PIEZO2: variants seen among roughly 807,000 people sequenced by gnomAD.
PIEZO2 encodes piezo type mechanosensitive ion channel component 2.
PIEZO2 carries 172 observed loss-of-function variants against 337.3 expected under a neutral mutation model. The observed-to-expected ratio is 0.51, with a 90% confidence interval of 0.45 to 0.58. The LOEUF (loss-of-function observed/expected upper bound fraction) is 0.58, where lower values mean the gene tolerates loss of function less well. Ranked by LOEUF, PIEZO2 falls within the 20% of genes least tolerant of loss-of-function variation. The pLI is 0.00. For missense variants in PIEZO2, 3,028 were observed against 3,391.3 expected, an observed-to-expected ratio of 0.89 and a Z score of 2.66; for synonymous variants, 1,251 against 1,228.5, an observed-to-expected ratio of 1.02 and a Z score of -0.38.
intron 2 of PIEZO2, among the ~76,000 whole-genome samples, chr18:11,040,328 G>C (rs1025289297): frequency 4.7e-4 from 71 of 152,230 alleles, no homozygotes; most frequent in African/African-American, 1.6e-3. Flanking sequence ...TGAGTTTAGA[G>C]ACATTATTTT....
intron 2 of PIEZO2, among the ~76,000 whole-genome samples, chr18:11,014,660 A>G (rs2036035290): frequency 7.0e-6 from 1 of 143,190 alleles, no homozygotes; most frequent in African/African-American, 2.7e-5. Context: ...TGACCCCCTC[A>G]TTCCTCAGTG....
chr18:10,787,536 CATT>C (rs1223518916), intron 15 of PIEZO2, among the ~76,000 whole-genome samples: 1 of 152,186 alleles, frequency 6.6e-6, no homozygotes, highest in Non-Finnish European at 1.5e-5. Context: ...GTGCTGCTGT[CATT>C]GTGGTTATCA....
At position 11,073,928 on chromosome 18, in the gene PIEZO2, C is replaced by A. The variant is rs1283442579; in HGVS notation, c.65-7706G>T. ...GTGGCGCAATCTCGGCTCGCTGCAA[C>A]CTCCACCTCTTGGGTTCAAGTGATT... On this transcript the variant is annotated intron_variant, in intron 1 of 55. Transcript: ENST00000674853. Among the ~76,000 whole-genome samples, 6 of 150,606 alleles carry A rather than the reference C, an allele frequency of 4.0e-5. No individual in the cohort carries two copies. The East Asian group carries it at 9.9e-4, about 25-fold the overall frequency.
intron 7 of PIEZO2, among the ~76,000 whole-genome samples, chr18:10,826,159 T>C (rs1030518816): frequency 6.6e-6 from 1 of 152,146 alleles, no homozygotes; most frequent in Non-Finnish European, 1.5e-5. Flanking sequence ...TATTGGAGAG[T>C]GGTATTTAGA....
At position 10,767,638 on chromosome 18, in the gene PIEZO2, T is replaced by G. The variant is rs909946350; in HGVS notation, c.2946+2510A>C. ...GGCCAGAAGAGATGAAGAGCTCTGG[T>G]TACAGGGTGCAGAGTCTCTTTGCTG... On this transcript the variant is annotated intron_variant, in intron 21 of 55. Transcript: ENST00000674853. The surrounding 1 kb of genome is among the most constrained non-coding windows in gnomAD (Gnocchi z 4.2). Among the ~76,000 whole-genome samples, 1 of 152,080 alleles carries G rather than the reference T, an allele frequency of 6.6e-6. No homozygotes were observed. The highest frequency in any genetic ancestry group is 2.4e-5 in the African/African-American group (1 of 41,392).
intron 3 of PIEZO2, among the ~76,000 whole-genome samples, chr18:10,932,468 G>A (rs145510293): frequency 3.0e-4 from 46 of 152,210 alleles, no homozygotes; most frequent in Non-Finnish European, 4.0e-4. Context: ...AATATGTATC[G>A]AGTAGCTCCC....
At position 11,143,600 on chromosome 18, in the gene PIEZO2, A is replaced by AACACAC. The variant is rs57885955; in HGVS notation, c.64+4919_64+4924dup. Among the ~76,000 whole-genome samples, 73 of 106,664 alleles carry AACACAC rather than the reference A, an allele frequency of 6.8e-4. No individual in the cohort carries two copies. The highest frequency in any genetic ancestry group is 1.7e-3 in the South Asian group (4 of 2,370). The allele number at this position is 106,664 out of a possible 152,430, so 70.0% of individuals were successfully genotyped here. On this transcript the variant is annotated intron_variant, in intron 1 of 55. Transcript: ENST00000674853. This position sits in a 1 kb window ranked among gnomAD's most constrained non-coding sequence, Gnocchi z 4.9. ...AAAATCCTGAGAACTAAAAATCTCT[A>AACACAC]ACACACACACACACACACACACACA... is the stretch of plus-strand genomic sequence containing the variant.
chr18:10,979,516 A>G lies in PIEZO2; in HGVS notation c.286+19T>C. ...AAGAAATAAAAGAAAACAATAAAAGAAAACACCATAATACTCACAGTTGTA... is the reference window on the plus strand; with the variant it reads ...AAGAAATAAAAGAAAACAATAAAAGGAAACACCATAATACTCACAGTTGTA... On this transcript the variant is annotated intron_variant, in intron 3 of 55. Transcript: ENST00000674853. The surrounding 1 kb of genome is among the most constrained non-coding windows in gnomAD (Gnocchi z 4.0). 1 of 1,474,658 alleles carries G rather than the reference A, an allele frequency of 6.8e-7. No homozygotes were observed. Among genetic ancestry groups the G allele is most frequent in the Non-Finnish European group, 9.0e-7 (1 of 1,110,756 alleles). 91.3% of individuals were successfully genotyped at this position (1,474,658 alleles called of 1,614,324 possible). A position where few individuals can be genotyped will look rare whatever the true frequency, so the allele number is the denominator to read the frequency against.
intron 4 of PIEZO2, among the ~76,000 whole-genome samples, chr18:10,909,680 AG>A: frequency 6.6e-6 from 1 of 152,346 alleles, no homozygotes; most frequent in Non-Finnish European, 1.5e-5. Context: ...GGGAGTGGAT[AG>A]GTGACCTTTT....
At chr18:11,036,596 A>G (rs1484435498) in intron 2 of PIEZO2, among the ~76,000 whole-genome samples, 1 of 151,566 alleles carries the variant, frequency 6.6e-6, no homozygotes, top group Non-Finnish European at 1.5e-5. Flanking sequence ...TATATTTAAT[A>G]TAAAATATAT....
At position 11,089,381 on chromosome 18, in the gene PIEZO2, T is replaced by C. The variant is rs548825200; in HGVS notation, c.65-23159A>G. Among the ~76,000 whole-genome samples, 16 of 152,222 alleles carry C rather than the reference T, an allele frequency of 1.1e-4. No homozygotes were observed. The South Asian group carries it at 3.1e-3, about 30-fold the overall frequency. On this transcript the variant is annotated intron_variant, in intron 1 of 55. Coordinates refer to ENST00000674853, the MANE Select transcript of PIEZO2 (RefSeq NM_001378183.1). ...CATCAAGCACTTTCAACAGAAAAGA[T>C]GTAATTGAGTTTAATAATTGAGCTC...
Position 11,001,921 on chromosome 18 carries a change from G to GGAAGGAAA in PIEZO2, c.161-22262_161-22261insTTTCCTTC, listed in dbSNP as rs773436731. ...AAGGAAGGAAGAAGGAAGGAAGGAA[G>GGAAGGAAA]GAAGGAAGGAAGGAAGGAAGGAAGG... On this transcript the variant is annotated intron_variant, in intron 2 of 55. Coordinates refer to ENST00000674853, the MANE Select transcript of PIEZO2 (RefSeq NM_001378183.1). The surrounding 1 kb of genome is among the most constrained non-coding windows in gnomAD (Gnocchi z 5.3). Among the ~76,000 whole-genome samples, 1 of 88,476 alleles carries GGAAGGAAA rather than the reference G, an allele frequency of 1.1e-5. No homozygotes were observed. Among genetic ancestry groups the GGAAGGAAA allele is most frequent in the Non-Finnish European group, 3.1e-5 (1 of 32,766 alleles). The allele number at this position is 88,476 out of a possible 152,430, so 58.0% of individuals were successfully genotyped here. A position where few individuals can be genotyped will look rare whatever the true frequency, so the allele number is the denominator to read the frequency against.
intron 2 of PIEZO2, among the ~76,000 whole-genome samples, chr18:11,023,592 T>C (rs902833478): frequency 1.3e-5 from 2 of 152,246 alleles, no homozygotes; most frequent in African/African-American, 4.8e-5. Flanking sequence ...CTTCACCCAG[T>C]GGATCCCGCA....
At chr18:10,696,791 T>G (rs1167597247) in intron 45 of PIEZO2, among the ~76,000 whole-genome samples, 1 of 152,210 alleles carries the variant, frequency 6.6e-6, no homozygotes, top group African/African-American at 2.4e-5. Context: ...TCCTCTTGCT[T>G]GAAGCATAAT....
At chr18:10,882,834 CTTTTTTTCT>C (rs2042461018) in intron 4 of PIEZO2, among the ~76,000 whole-genome samples, 2 of 110,030 alleles carry the variant, frequency 1.8e-5, no homozygotes, top group South Asian at 3.1e-4. Context: ...ACCACATTTT[CTTTTTTTCT>C]TTTTTTTTTT....
chr18:11,134,250 T>C (rs1335423352), intron 1 of PIEZO2, among the ~76,000 whole-genome samples: 2 of 152,216 alleles, frequency 1.3e-5, no homozygotes, highest in African/African-American at 4.8e-5. Context: ...TTTTCCACTA[T>C]GCTGCTGCTA....
At chr18:10,687,062 G>A (rs570754608) in intron 49 of PIEZO2, among the ~76,000 whole-genome samples, 78 of 152,216 alleles carry the variant, frequency 5.1e-4, no homozygotes, top group Admixed American at 1.6e-3. Context: ...AAAGTATCAC[G>A]TGCCCCTCTG....
At chr18:10,675,874 C>T (rs2033977086) in intron 53 of PIEZO2, among the ~76,000 whole-genome samples, 1 of 152,126 alleles carries the variant, frequency 6.6e-6, no homozygotes, top group East Asian at 1.9e-4. Context: ...AGGGCAGTTC[C>T]CCTGCACGTG....
chr18:11,043,836 A>AT (rs2037206988), intron 2 of PIEZO2, among the ~76,000 whole-genome samples: 1 of 151,580 alleles, frequency 6.6e-6, no homozygotes, highest in Non-Finnish European at 1.5e-5. Flanking sequence ...TGCCTGGCTG[A>AT]TTTTTTTGTA....
Sources: gnomAD v4.1 joint callset for allele counts (sites outside exome capture counted in the v4.1 genomes callset) on GRCh38, gnomAD v4.1.1 for gene constraint, Gnocchi (gnomAD v3.1) non-coding constraint, MANE v1.5 for transcripts, NCBI Gene and HGNC (gene_info 2026-07-23, HGNC 2026-07-21) for gene names.